WWTR1: variants seen among roughly 807,000 people sequenced by gnomAD.
The protein encoded by WWTR1 is WW domain containing transcription regulator 1, also known as WW domain-containing transcription regulator protein 1.
In WWTR1, 13 loss-of-function variants were observed where a neutral mutation model predicts 40.1. The ratio of observed to expected loss-of-function variants is 0.32; its 90% CI spans 0.21 to 0.52. The LOEUF (loss-of-function observed/expected upper bound fraction) is 0.52. Ranked by LOEUF, WWTR1 falls within the 20% of genes least tolerant of loss-of-function variation. The pLI is 0.97. For missense variants in WWTR1, 436 were observed against 523.1 expected, an observed-to-expected ratio of 0.83 and a Z score of 1.63; for synonymous variants, 230 against 210.1, an observed-to-expected ratio of 1.09 and a Z score of -0.82.
chr3:149,609,855 G>A (rs532514889), intron 2 of WWTR1, among the ~76,000 whole-genome samples: 96 of 152,264 alleles, frequency 6.3e-4, no homozygotes, highest in African/African-American at 2.2e-3. Flanking sequence ...CCCAGAAAAC[G>A]AAGATAAACG....
At chr3:149,619,463 G>T (rs898042879) in intron 2 of WWTR1, among the ~76,000 whole-genome samples, 1 of 151,972 alleles carries the variant, frequency 6.6e-6, no homozygotes, top group African/African-American at 2.4e-5. Context: ...TCTACCAAAA[G>T]AATTTAAAAA....
intron 2 of WWTR1, among the ~76,000 whole-genome samples, chr3:149,617,532 G>A (rs1156590749): frequency 6.6e-6 from 1 of 152,208 alleles, no homozygotes; most frequent in Non-Finnish European, 1.5e-5. Flanking sequence ...AGGCGCAGTG[G>A]CTCATGCCTA....
intron 1 of WWTR1, among the ~76,000 whole-genome samples, chr3:149,693,088 G>A (rs1459212111): frequency 6.6e-6 from 1 of 152,098 alleles, no homozygotes; most frequent in Non-Finnish European, 1.5e-5. Context: ...AAAACCTAAA[G>A]ACTCCCCCAA....
intron 2 of WWTR1, among the ~76,000 whole-genome samples, chr3:149,638,055 A>C (rs538913835): frequency 9.9e-5 from 15 of 152,248 alleles, no homozygotes; most frequent in Non-Finnish European, 1.5e-4. Context: ...GTCTCTACTA[A>C]ATACAAAAAA....
At chr3:149,618,214 A>T (rs1376615564) in intron 2 of WWTR1, among the ~76,000 whole-genome samples, 1 of 151,996 alleles carries the variant, frequency 6.6e-6, no homozygotes, top group East Asian at 1.9e-4. Flanking sequence ...CGAAGGACTG[A>T]AGAACAGTAC....
chr3:149,548,723 A>G (rs1427517087), intron 3 of WWTR1, among the ~76,000 whole-genome samples: 1 of 152,190 alleles, frequency 6.6e-6, no homozygotes, highest in Non-Finnish European at 1.5e-5. Context: ...GTGAAGAAGA[A>G]TATCTTCGGC....
chr3:149,693,271 C>A (rs761833806), intron 1 of WWTR1, among the ~76,000 whole-genome samples: 1 of 151,906 alleles, frequency 6.6e-6, no homozygotes, highest in Non-Finnish European at 1.5e-5. Flanking sequence ...ATAAGCTTAA[C>A]GAAAGAAGTG....
At chr3:149,548,886 G>A (rs1037798909) in intron 3 of WWTR1, among the ~76,000 whole-genome samples, 2 of 152,062 alleles carry the variant, frequency 1.3e-5, no homozygotes, top group Non-Finnish European at 2.9e-5. Flanking sequence ...TAAGTGAATG[G>A]GTAAGGCCTC....
At chr3:149,552,723 T>C (rs1359551394) in intron 3 of WWTR1, among the ~76,000 whole-genome samples, 2 of 152,214 alleles carry the variant, frequency 1.3e-5, no homozygotes, top group Non-Finnish European at 2.9e-5. Flanking sequence ...GCTATCACCA[T>C]AGAAATTCAG....
intron 2 of WWTR1, among the ~76,000 whole-genome samples, chr3:149,656,526 T>C (rs187889126): frequency 6.6e-6 from 1 of 152,198 alleles, no homozygotes; most frequent in South Asian, 2.1e-4. Context: ...GGCCTGGCTC[T>C]GGACTATCTG....
At chr3:149,538,785 G>A (rs1420332281) in intron 4 of WWTR1, among the ~76,000 whole-genome samples, 1 of 152,168 alleles carries the variant, frequency 6.6e-6, no homozygotes, top group Non-Finnish European at 1.5e-5. Context: ...GTAGCCACTG[G>A]GCCCCTGTGA....
intron 3 of WWTR1, among the ~76,000 whole-genome samples, chr3:149,571,214 C>CTTTTTTTTTT (rs10535515): frequency 9.9e-6 from 1 of 101,276 alleles, no homozygotes; most frequent in Admixed American, 1.1e-4. Context: ...TTTTTCTTTT[C>CTTTTTTTTTT]TTTTTTTTTT....
At chr3:149,558,015 A>AT (rs1201109923) in intron 3 of WWTR1, among the ~76,000 whole-genome samples, 1 of 152,050 alleles carries the variant, frequency 6.6e-6, no homozygotes, top group Non-Finnish European at 1.5e-5. Context: ...AAAAAAAAAA[A>AT]AAAAAGAATT....
intron 2 of WWTR1, among the ~76,000 whole-genome samples, chr3:149,602,447 T>A (rs1739285307): frequency 6.6e-6 from 1 of 152,146 alleles, no homozygotes. Flanking sequence ...TGAGCAACCC[T>A]GAAATTCCAG....
At chr3:149,716,582 T>G (rs1004534983) in intron 5 of WWTR1, among the ~76,000 whole-genome samples, 3 of 152,084 alleles carry the variant, frequency 2.0e-5, no homozygotes, top group Admixed American at 2.0e-4. Flanking sequence ...TTATCTGGTA[T>G]TAGGGAAAAA....
At chr3:149,532,316 T>C (rs1735621470) in intron 4 of WWTR1, among the ~76,000 whole-genome samples, 1 of 152,236 alleles carries the variant, frequency 6.6e-6, no homozygotes, top group South Asian at 2.1e-4. Flanking sequence ...CACACTGTCA[T>C]GTGGAACTGA....
chr3:149,647,685 G>A (rs1427531696), intron 2 of WWTR1, among the ~76,000 whole-genome samples: 1 of 152,176 alleles, frequency 6.6e-6, no homozygotes, highest in Non-Finnish European at 1.5e-5. Flanking sequence ...AATATAGGAT[G>A]GAGCTATGAA....
At chr3:149,558,185 A>G (rs1736921508) in intron 3 of WWTR1, among the ~76,000 whole-genome samples, 1 of 152,082 alleles carries the variant, frequency 6.6e-6, no homozygotes, top group East Asian at 1.9e-4. Context: ...AGGACTCAGA[A>G]TGAAGTGAAG....
intron 1 of WWTR1, among the ~76,000 whole-genome samples, chr3:149,682,164 T>C (rs1340739943): frequency 6.6e-6 from 1 of 152,198 alleles, no homozygotes; most frequent in African/African-American, 2.4e-5. Context: ...TTAAGACCCC[T>C]GGGAGTCAGG....
Sources: allele counts gnomAD v4.1 joint callset (sites outside exome capture counted in the v4.1 genomes callset), GRCh38; gene constraint gnomAD v4.1.1; transcripts MANE v1.5; gene names NCBI Gene and HGNC (gene_info 2026-07-23, HGNC 2026-07-21).